The following FAM117A variants were observed in gnomAD, a reference collection of about 807,000 sequenced individuals.
FAM117A encodes family with sequence similarity 117 member A, also known as protein FAM117A.
In FAM117A, 21 loss-of-function variants were observed where a neutral mutation model predicts 44.1. The observed-to-expected ratio is 0.48, with a 90% CI of 0.34 to 0.69. FAM117A has a LOEUF of 0.69. Ranked by LOEUF, FAM117A falls within the 30% of genes least tolerant of loss-of-function variation. The pLI, the probability that FAM117A is intolerant of heterozygous loss-of-function variation, is 0.01. For missense variants in FAM117A, 498 were observed against 589.9 expected (o/e 0.84, Z 1.61); for synonymous variants, 220 against 238.3 (o/e 0.92, Z 0.71).
chr17:49,722,521 C>T lies in FAM117A; in HGVS notation c.440G>A (p.Gly147Asp). The change falls in exon 3 of 8, where the codon GGC becomes GAC. Residue 147 changes from glycine (G) to aspartate (D), a missense_variant. Physicochemically the swap from Gly to Asp is moderately conservative, Grantham distance 94. This residue lies in a region of FAM117A where 270 missense variants were observed against 277.4 expected (regional missense o/e 0.97). Coordinates refer to ENST00000240364, the MANE Select transcript of FAM117A (RefSeq NM_030802.4). ...SCAHKRSASW[G>D]STDHRKEISK... ...TACCTCTTTTCGGTGGTCTGTGCTGCCCCAGGATGCTGAGCGCTTGTGTGC... is the reference window on the plus strand; with the variant it reads ...TACCTCTTTTCGGTGGTCTGTGCTGTCCCAGGATGCTGAGCGCTTGTGTGC... The T allele has an allele frequency of 6.2e-7, 1 of 1,613,886 alleles. No individual in the cohort carries two copies. The highest frequency in any genetic ancestry group is 8.5e-7 in the Non-Finnish European group (1 of 1,179,912).
At chr17:49,711,739 A>T (rs1455557656) in intron 7 of FAM117A, among the ~76,000 whole-genome samples, 184 bp from the exon 8 acceptor site, 1 of 152,196 alleles carries the variant, frequency 6.6e-6, no homozygotes, top group Non-Finnish European at 1.5e-5. Context: ...ATGGCTAAAC[A>T]ACGGGAAATG....
At chr17:49,731,207 G>A (rs889305212) in intron 2 of FAM117A, among the ~76,000 whole-genome samples, 9 of 152,216 alleles carry the variant, frequency 5.9e-5, no homozygotes, top group Admixed American at 2.6e-4. Flanking sequence ...GGCAGACCAC[G>A]CACTCTCCAC....
chr17:49,788,620 T>C (rs747787403), upstream of FAM117A: 8 of 491,350 alleles, frequency 1.6e-5, no homozygotes, highest in African/African-American at 6.1e-5. Context: ...GCCCGTAACG[T>C]CAGGTGACGC....
At chr17:49,732,885 A>G (rs776501147) in intron 1 of FAM117A, 165 bp from the exon 2 acceptor site, 1 of 693,888 alleles carries the variant, frequency 1.4e-6, no homozygotes, top group Non-Finnish European at 2.4e-6. Context: ...ATATGGTCTG[A>G]CAAGACCTTT....
chr17:49,761,441 G>A (rs1283447533), intron 1 of FAM117A, among the ~76,000 whole-genome samples: 5 of 152,158 alleles, frequency 3.3e-5, no homozygotes, highest in Non-Finnish European at 4.4e-5. Flanking sequence ...CACTTTTATA[G>A]CACTTCTCAT....
At chr17:49,762,508 T>C (rs1169585116) in intron 1 of FAM117A, among the ~76,000 whole-genome samples, 1 of 152,194 alleles carries the variant, frequency 6.6e-6, no homozygotes, top group Non-Finnish European at 1.5e-5. Flanking sequence ...CCAGAAAGAC[T>C]TGGGGGCTTT....
intron 1 of FAM117A, among the ~76,000 whole-genome samples, chr17:49,773,650 C>T (rs139347922): frequency 1.3e-5 from 2 of 152,226 alleles, no homozygotes; most frequent in African/African-American, 2.4e-5. Context: ...AATTAGACCT[C>T]GCTTTCTCCA....
At chr17:49,757,211 C>G (rs75160117) in intron 1 of FAM117A, among the ~76,000 whole-genome samples, 2,014 of 152,200 alleles carry the variant, frequency 0.013, 53 homozygotes, top group African/African-American at 0.046. Flanking sequence ...CAGCAACTCT[C>G]GGGGGCTCCT....
intron 1 of FAM117A, among the ~76,000 whole-genome samples, chr17:49,786,470 G>C (rs761519274): frequency 4.1e-4 from 63 of 152,140 alleles, no homozygotes; most frequent in Non-Finnish European, 8.5e-4. Flanking sequence ...AACGAGGTTT[G>C]AGCACCATTG....
chr17:49,745,476 C>A (rs1270324426), intron 1 of FAM117A, among the ~76,000 whole-genome samples: 2 of 152,114 alleles, frequency 1.3e-5, no homozygotes, highest in Non-Finnish European at 2.9e-5. Context: ...ACTTTTATAG[C>A]CTGGGGGCTA....
At chr17:49,735,381 C>T (rs994440040) in intron 1 of FAM117A, among the ~76,000 whole-genome samples, 1 of 150,864 alleles carries the variant, frequency 6.6e-6, no homozygotes, top group Non-Finnish European at 1.5e-5. Context: ...CACAGCAAGA[C>T]TCCGTCTCAA....
chr17:49,718,346 C>T (rs1598019174), intron 5 of FAM117A, among the ~76,000 whole-genome samples: 1 of 152,242 alleles, frequency 6.6e-6, no homozygotes, highest in East Asian at 1.9e-4. Context: ...AACTGGCATT[C>T]CCCAATTAAA....
chr17:49,735,968 A>T (rs146366855), intron 1 of FAM117A, among the ~76,000 whole-genome samples: 74 of 152,358 alleles, frequency 4.9e-4, no homozygotes, highest in African/African-American at 1.7e-3. Context: ...ACTGTAGAAA[A>T]GTCAGGAAAT....
intron 1 of FAM117A, 119 bp from the exon 2 acceptor site, chr17:49,732,839 T>C (rs575022863): frequency 2.7e-6 from 3 of 1,098,020 alleles, no homozygotes; most frequent in East Asian, 5.2e-5. Context: ...TATCCACCAC[T>C]GTCCTAAAAG....
chr17:49,787,184 G>A (rs2073816326), intron 1 of FAM117A, among the ~76,000 whole-genome samples: 1 of 152,214 alleles, frequency 6.6e-6, no homozygotes, highest in Admixed American at 6.5e-5. Flanking sequence ...TGGGGAGCCA[G>A]AACATTCAAA....
In FAM117A at chr17:49,711,490, G is replaced by A. The variant is rs1299424743; in HGVS notation, c.1127C>T (p.Pro376Leu). ...GACGGGGCAGAAGGCTGAGCCAGTC[G>A]GGTTGAAATGGACTTTGTTCTTGTC... ...CPDKNKVHFN[P>L]TGSAFCPVNL... is the part of the protein sequence containing the mutation. Residue 376 changes from proline to leucine, a missense_variant, in exon 8 of 8, where the codon CCG becomes CTG. Physicochemically the swap from Pro to Leu is moderately conservative, Grantham distance 98. Coordinates refer to ENST00000240364, the MANE Select transcript of FAM117A (RefSeq NM_030802.4). The A allele has an allele frequency of 1.9e-6, 3 of 1,614,104 alleles. No homozygotes were observed. The highest frequency in any genetic ancestry group is 2.5e-6 in the Non-Finnish European group (3 of 1,180,022).
chr17:49,766,250 C>A (rs1297864115), upstream of FAM117A, among the ~76,000 whole-genome samples: 1 of 152,200 alleles, frequency 6.6e-6, no homozygotes, highest in Non-Finnish European at 1.5e-5. Context: ...CTTAAGAACA[C>A]AGGATTACTG....
At chr17:49,751,109 G>A (rs893408257) in intron 1 of FAM117A, among the ~76,000 whole-genome samples, 12 of 151,834 alleles carry the variant, frequency 7.9e-5, no homozygotes, top group Non-Finnish European at 1.5e-5. Flanking sequence ...GCAAAACCCT[G>A]TCTCTACTAA....
intron 2 of FAM117A, among the ~76,000 whole-genome samples, chr17:49,725,524 A>C (rs143438423): frequency 6.6e-6 from 1 of 152,258 alleles, no homozygotes; most frequent in African/African-American, 2.4e-5. Flanking sequence ...GAGGCCCCCA[A>C]TGAAAAAGTA....
Sources: gnomAD v4.1 joint callset for allele counts (sites outside exome capture counted in the v4.1 genomes callset) on GRCh38, gnomAD v4.1.1 for gene constraint, gnomAD v4.1.1 regional missense constraint, MANE v1.5 for transcripts, NCBI Gene and HGNC (gene_info 2026-07-23, HGNC 2026-07-21) for gene names.